MTHFD1L: variants seen among roughly 807,000 people sequenced by gnomAD.
The protein encoded by MTHFD1L is methylenetetrahydrofolate dehydrogenase (NADP+ dependent) 1 like, also known as monofunctional C1-tetrahydrofolate synthase, mitochondrial.
A neutral mutation model predicts 119.5 loss-of-function variants in MTHFD1L; 81 were observed. The ratio of observed to expected loss-of-function variants is 0.68; its 90% CI spans 0.57 to 0.82. MTHFD1L has a LOEUF of 0.82. MTHFD1L is among the 40% of genes least tolerant of loss of function. MTHFD1L has a pLI of 0.00. For synonymous variants in MTHFD1L, 430 were observed against 475.2 expected, an observed-to-expected ratio of 0.90 and a Z score of 1.24; for missense variants, 1,125 against 1,253.4, an observed-to-expected ratio of 0.90 and a Z score of 1.55.
chr6:150,961,172 C>T (rs1796391739), intron 18 of MTHFD1L, among the ~76,000 whole-genome samples: 1 of 150,748 alleles, frequency 6.6e-6, no homozygotes, highest in Non-Finnish European at 1.5e-5. Context: ...CAGCTCACTG[C>T]AGCCCCTGCC....
intron 20 of MTHFD1L, 29 bp downstream of exon 20, chr6:150,972,087 T>G (rs773464551): frequency 6.4e-7 from 1 of 1,573,686 alleles, no homozygotes; most frequent in South Asian, 1.1e-5. Context: ...ATTTAGTTGT[T>G]GTAGAATATT....
At chr6:150,997,764 C>G (rs1461709488) in intron 20 of MTHFD1L, among the ~76,000 whole-genome samples, 1 of 152,140 alleles carries the variant, frequency 6.6e-6, no homozygotes, top group Non-Finnish European at 1.5e-5. Flanking sequence ...GCACTCCAGC[C>G]TGTCTCAAAA....
chr6:150,947,149 G>A (rs1794103145), intron 15 of MTHFD1L, among the ~76,000 whole-genome samples: 2 of 149,458 alleles, frequency 1.3e-5, no homozygotes, highest in African/African-American at 4.9e-5. Flanking sequence ...TCAGGCTGGA[G>A]TGCAATGGCA....
At chr6:150,874,367 G>T (rs1371370868) in intron 1 of MTHFD1L, among the ~76,000 whole-genome samples, 1 of 152,170 alleles carries the variant, frequency 6.6e-6, no homozygotes, top group African/African-American at 2.4e-5. Context: ...GGTCCTGGTT[G>T]TGAATCTGAG....
In MTHFD1L at chr6:150,968,846, CTTTTTTTT is replaced by C. The variant is rs145806257; in HGVS notation, c.2014-3089_2014-3082del. On this transcript the variant is annotated intron_variant, in intron 19 of 27. Transcript: ENST00000367321. ...AATCATTTTCTTGTTTTAAATAATT[CTTTTTTTT>C]TTTTTTTTTTTGAAACGGAGTTTTG... is the stretch of plus-strand genomic sequence containing the variant. Among the ~76,000 whole-genome samples the C allele has an allele frequency of 2.8e-5, 3 of 108,538 alleles. No individual in the cohort carries two copies. In the South Asian group the frequency reaches 9.1e-4, roughly 33 times the overall value. 71.2% of individuals were successfully genotyped at this position (108,538 alleles called of 152,430 possible).
intron 24 of MTHFD1L, among the ~76,000 whole-genome samples, chr6:151,029,595 G>C (rs1007335588): frequency 1.3e-5 from 2 of 151,746 alleles, no homozygotes; most frequent in African/African-American, 4.8e-5. Context: ...TCAGGAGTTT[G>C]AGACCAGCCT....
At chr6:151,016,858 C>A (rs1030812425) in intron 24 of MTHFD1L, 21 of 186,796 alleles carry the variant, frequency 1.1e-4, no homozygotes, top group Non-Finnish European at 1.7e-4. Flanking sequence ...CTGCAACCTC[C>A]ACCTCCCGGG....
At chr6:150,966,667 A>G (rs2129010795) in intron 19 of MTHFD1L, among the ~76,000 whole-genome samples, 1 of 152,300 alleles carries the variant, frequency 6.6e-6, no homozygotes, top group South Asian at 2.1e-4. Flanking sequence ...TACTAAAAAT[A>G]CAAAATAAAT....
chr6:151,029,560 G>GC (rs1785052626), intron 24 of MTHFD1L, among the ~76,000 whole-genome samples: 1 of 152,124 alleles, frequency 6.6e-6, no homozygotes, highest in Non-Finnish European at 1.5e-5. Flanking sequence ...ACTTTGGGAG[G>GC]CCGAGGCAAG....
At chr6:150,973,419 A>G (rs4869704) in intron 20 of MTHFD1L, among the ~76,000 whole-genome samples, 67,010 of 152,056 alleles carry the variant, frequency 0.44, 16,787 homozygotes, top group East Asian at 0.65. Flanking sequence ...GGCTAGACAT[A>G]CTGTCTAAGT....
At chr6:150,877,377 G>A (rs1780622741) in intron 2 of MTHFD1L, among the ~76,000 whole-genome samples, 1 of 152,160 alleles carries the variant, frequency 6.6e-6, no homozygotes, top group Non-Finnish European at 1.5e-5. Flanking sequence ...AGAGAGGAAA[G>A]CTGGCTAGGT....
intron 7 of MTHFD1L, among the ~76,000 whole-genome samples, chr6:150,905,036 CTTTT>C (rs36039459): frequency 1.2e-4 from 13 of 111,720 alleles, no homozygotes; most frequent in Admixed American, 2.1e-4. Context: ...TTGTTTTCCT[CTTTT>C]TTTTTTTTTT....
chr6:151,074,633 C>G (rs868696602), intron 26 of MTHFD1L, among the ~76,000 whole-genome samples: 2 of 152,146 alleles, frequency 1.3e-5, no homozygotes, highest in Admixed American at 1.3e-4. Context: ...CAAAAACAAA[C>G]CGTGTATACA....
At chr6:150,916,755 T>A (rs1788024012) in intron 8 of MTHFD1L, among the ~76,000 whole-genome samples, 1 of 46,948 alleles carries the variant, frequency 2.1e-5, no homozygotes, top group African/African-American at 1.4e-4. Context: ...TTTTTTTTTT[T>A]TTTTTTTTTT....
At chr6:151,064,599 C>T (rs758726304) in intron 26 of MTHFD1L, among the ~76,000 whole-genome samples, 2 of 152,012 alleles carry the variant, frequency 1.3e-5, no homozygotes, top group African/African-American at 4.8e-5. Context: ...AGGCATGAGC[C>T]GCCGTGCCCA....
chr6:150,962,376 CTCTT>C (rs796907825), intron 18 of MTHFD1L, among the ~76,000 whole-genome samples: 32 of 152,266 alleles, frequency 2.1e-4, no homozygotes, highest in African/African-American at 7.0e-4. Flanking sequence ...TTTAAATAAA[CTCTT>C]TATTTATCTT....
intron 24 of MTHFD1L, among the ~76,000 whole-genome samples, chr6:151,032,867 AAC>A (rs1015425003): frequency 3.3e-5 from 5 of 152,196 alleles, no homozygotes; most frequent in Non-Finnish European, 7.3e-5. Flanking sequence ...AGTAATGAAA[AAC>A]ACGTTTTAAA....
intron 26 of MTHFD1L, chr6:151,088,224 A>G (rs1794013937): frequency 6.6e-6 from 1 of 152,188 alleles, no homozygotes; most frequent in East Asian, 1.9e-4. Context: ...AGATGGCTGT[A>G]TATCTGCAGG....
At chr6:150,916,076 A>G (rs115019295) in intron 8 of MTHFD1L, among the ~76,000 whole-genome samples, 224 of 152,248 alleles carry the variant, frequency 1.5e-3, no homozygotes, top group African/African-American at 5.2e-3. Flanking sequence ...AGTGTTGCTA[A>G]TCTTTAAATA....
Sources: allele counts gnomAD v4.1 joint callset (sites outside exome capture counted in the v4.1 genomes callset), GRCh38; gene constraint gnomAD v4.1.1; transcripts MANE v1.5; gene names NCBI Gene and HGNC (gene_info 2026-07-23, HGNC 2026-07-21).